The following UQCC6 variants were observed in gnomAD, a reference collection of about 807,000 sequenced individuals.
UQCC6 encodes ubiquinol-cytochrome c reductase complex assembly factor 6.
At chr12:103,960,911 T>C in the UQCC6 span, among the ~76,000 whole-genome samples, 4 of 152,232 alleles carry the variant, frequency 2.6e-5, no homozygotes, top group Non-Finnish European at 5.9e-5. Context: ...CTATTTACTA[T>C]ACTTTTATGG....
chr12:103,958,877 A>G, the UQCC6 span, among the ~76,000 whole-genome samples: 1 of 141,724 alleles, frequency 7.1e-6, no homozygotes, highest in Non-Finnish European at 1.5e-5. Context: ...CAATCACTAG[A>G]GAAAATTAAA....
the UQCC6 span, among the ~76,000 whole-genome samples, chr12:103,959,472 G>A: frequency 6.6e-6 from 1 of 152,024 alleles, no homozygotes; most frequent in East Asian, 1.9e-4. Flanking sequence ...TAGCATTTTG[G>A]GAGGCCGAGG....
the UQCC6 span, among the ~76,000 whole-genome samples, chr12:103,963,303 T>C: frequency 6.6e-6 from 1 of 152,194 alleles, no homozygotes; most frequent in Non-Finnish European, 1.5e-5. Flanking sequence ...CTCGAACTTC[T>C]GGCCTTGGGT....
chr12:103,951,383 C>A, the UQCC6 span: 4 of 507,734 alleles, frequency 7.9e-6, no homozygotes, highest in African/African-American at 2.0e-5. Context: ...AATTAAATTT[C>A]AACGTATCGG....
the UQCC6 span, among the ~76,000 whole-genome samples, chr12:103,957,876 C>A: frequency 7.7e-6 from 1 of 129,618 alleles, no homozygotes; most frequent in Non-Finnish European, 1.6e-5. Context: ...GATGGCAAGA[C>A]TCCATCTCTA....
At chr12:103,961,537 T>TTTGTTGTTG in the UQCC6 span, among the ~76,000 whole-genome samples, 127 of 150,572 alleles carry the variant, frequency 8.4e-4, 2 homozygotes, top group East Asian at 0.012. Flanking sequence ...ACTGTTTGGT[T>TTTGTTGTTG]TTGTTGTTGT....
the UQCC6 span, chr12:103,953,737 A>G: frequency 1.7e-6 from 1 of 597,864 alleles, no homozygotes; most frequent in Non-Finnish European, 3.0e-6. Flanking sequence ...ACCCTTCAAT[A>G]TGGCCCTTCT....
At chr12:103,964,690 T>C in the UQCC6 span, among the ~76,000 whole-genome samples, 1 of 152,242 alleles carries the variant, frequency 6.6e-6, no homozygotes, top group Non-Finnish European at 1.5e-5. Context: ...AGCCACCTGC[T>C]GTAAGACTTT....
At chr12:103,952,168 T>C in the UQCC6 span, among the ~76,000 whole-genome samples, 4 of 152,150 alleles carry the variant, frequency 2.6e-5, no homozygotes, top group African/African-American at 9.7e-5. Context: ...ACCCCATACT[T>C]ATTAGCAGTC....
chr12:103,953,368 A>T, the UQCC6 span: 1 of 702,008 alleles, frequency 1.4e-6, no homozygotes, highest in Admixed American at 2.0e-5. Context: ...CAACAGAGTC[A>T]TCTCCTTTGC....
chr12:103,956,351 TA>T, the UQCC6 span: 1 of 304,842 alleles, frequency 3.3e-6, no homozygotes, highest in Admixed American at 4.6e-5. Flanking sequence ...AAAGAACTGG[TA>T]AAATGGTGGC....
the UQCC6 span, among the ~76,000 whole-genome samples, chr12:103,962,869 G>A: frequency 6.6e-6 from 1 of 152,108 alleles, no homozygotes; most frequent in Non-Finnish European, 1.5e-5. Context: ...TTATTTCCTG[G>A]GTGAAGCCAA....
the UQCC6 span, among the ~76,000 whole-genome samples, chr12:103,962,719 T>G: frequency 2.2e-4 from 34 of 152,354 alleles, no homozygotes; most frequent in East Asian, 6.2e-3. Flanking sequence ...TAATTAGAAG[T>G]GGGTATAAAT....
the UQCC6 span, chr12:103,953,683 C>T: frequency 3.0e-6 from 2 of 661,070 alleles, no homozygotes; most frequent in African/African-American, 3.5e-5. Flanking sequence ...ACAGAGATAC[C>T]CCATTGCCAA....
At chr12:103,951,321 T>C in the UQCC6 span, 1 of 430,954 alleles carries the variant, frequency 2.3e-6, no homozygotes. Context: ...ATTCATGAAA[T>C]GGTTTGATGA....
chr12:103,955,869 G>A, the UQCC6 span: 1 of 448,412 alleles, frequency 2.2e-6, no homozygotes, highest in South Asian at 1.6e-5. Flanking sequence ...TTTAATTCTA[G>A]TTCCTAATGA....
the UQCC6 span, among the ~76,000 whole-genome samples, chr12:103,958,564 A>G: frequency 2.4e-4 from 36 of 152,184 alleles, 2 homozygotes; most frequent in South Asian, 6.4e-3. Flanking sequence ...CGTATGTACT[A>G]TTTTTTGTGT....
At chr12:103,960,962 A>AAAG in the UQCC6 span, among the ~76,000 whole-genome samples, 68 of 152,200 alleles carry the variant, frequency 4.5e-4, no homozygotes, top group Non-Finnish European at 8.1e-4. Context: ...TAAAAAAAAA[A>AAAG]GGAAAGTTAA....
At chr12:103,955,339 G>A in the UQCC6 span, among the ~76,000 whole-genome samples, 1 of 149,282 alleles carries the variant, frequency 6.7e-6, no homozygotes, top group Non-Finnish European at 1.5e-5. Context: ...TAAAACATAA[G>A]TGCAAATACA....
Sources: allele counts gnomAD v4.1 joint callset (sites outside exome capture counted in the v4.1 genomes callset), GRCh38; gene constraint gnomAD v4.1.1; transcripts MANE v1.5; gene names NCBI Gene and HGNC (gene_info 2026-07-23, HGNC 2026-07-21).